Variants in TFB1M observed in about 807,000 individuals in gnomAD.
The protein encoded by TFB1M is dimethyladenosine transferase 1, mitochondrial.
In TFB1M, 27 loss-of-function variants were observed where a neutral mutation model predicts 31.1. That is an observed-to-expected ratio of 0.87 (90% CI 0.64 to 1.20). The LOEUF (loss-of-function observed/expected upper bound fraction) is 1.20, where lower values mean the gene tolerates loss of function less well. Among genes scored for constraint, TFB1M ranks in the 50% most tolerant of loss-of-function variants. TFB1M has a pLI of 0.00. For synonymous variants in TFB1M, 166 were observed against 151.8 expected, an observed-to-expected ratio of 1.09 and a Z score of -0.69; for missense variants, 394 against 418.7, an observed-to-expected ratio of 0.94 and a Z score of 0.51.
At chr6:155,260,898 T>C in intron 5 of TFB1M, 1 of 223,718 alleles carries the variant, frequency 4.5e-6, no homozygotes, top group East Asian at 1.1e-4. Context: ...ACTGAATTCA[T>C]GAGTGTAGTC....
chr6:155,306,878 T>C (rs1206321027), intron 2 of TFB1M, among the ~76,000 whole-genome samples: 1 of 152,086 alleles, frequency 6.6e-6, no homozygotes, highest in African/African-American at 2.4e-5. Context: ...CCCAGCATCT[T>C]GGGAGACTGA....
chr6:155,256,317 A>G lies in TFB1M; in HGVS notation c.*1519T>C, dbSNP rs1325238145. 7 of 991,500 alleles carry G rather than the reference A, an allele frequency of 7.1e-6. No individual in the cohort carries two copies. The highest frequency in any genetic ancestry group is 1.0e-5 in the Non-Finnish European group (7 of 685,446). 61.4% of individuals were successfully genotyped at this position (991,500 alleles called of 1,614,324 possible). A position where few individuals can be genotyped will look rare whatever the true frequency, so the allele number is the denominator to read the frequency against. ...CTGTAAACCTAAGTCAAAAATGTCCATGTTTTCAGTAGCTACATTTTTGCC... is the reference window on the plus strand; with the variant it reads ...CTGTAAACCTAAGTCAAAAATGTCCGTGTTTTCAGTAGCTACATTTTTGCC... On this transcript the variant is annotated 3_prime_UTR_variant, in exon 7 of 7. Transcript: ENST00000367166.
chr6:155,255,811 C>T (rs1783971567), downstream of TFB1M: 1 of 152,380 alleles, frequency 6.6e-6, no homozygotes, highest in African/African-American at 2.4e-5. Context: ...AGTTTGAGAC[C>T]AACCTGGGCA....
At chr6:155,250,867 G>A in the TFB1M span, 2 of 1,575,134 alleles carry the variant, frequency 1.3e-6, no homozygotes, top group Non-Finnish European at 1.7e-6. Context: ...AGATCATCTA[G>A]CCTGGGATTT....
At chr6:155,291,947 A>G (rs187182706) in intron 4 of TFB1M, among the ~76,000 whole-genome samples, 11 of 152,356 alleles carry the variant, frequency 7.2e-5, no homozygotes, top group African/African-American at 1.7e-4. Context: ...ATTGATTTCA[A>G]ACAAATTCTG....
chr6:155,245,363 G>T, the TFB1M span, among the ~76,000 whole-genome samples: 6 of 152,294 alleles, frequency 3.9e-5, no homozygotes, highest in South Asian at 1.2e-3. Context: ...CTGTATTTTT[G>T]TAGAACTTTC....
intron 5 of TFB1M, 167 bp from the exon 6 acceptor site, chr6:155,260,567 T>C: frequency 1.2e-6 from 1 of 836,598 alleles, no homozygotes; most frequent in Non-Finnish European, 1.9e-6. Context: ...AGATGGTACA[T>C]TCTGGATTCG....
chr6:155,275,466 A>G, intron 5 of TFB1M: 2 of 438,030 alleles, frequency 4.6e-6, no homozygotes, highest in Non-Finnish European at 8.2e-6. Context: ...GCCTGGTGGG[A>G]GCTTTTCTCC....
intron 5 of TFB1M, chr6:155,275,577 T>C (rs1368599253): frequency 5.1e-6 from 4 of 789,480 alleles, no homozygotes; most frequent in Non-Finnish European, 8.3e-6. Flanking sequence ...GTTTACTTAC[T>C]TTCTTTCGCT....
intron 5 of TFB1M, among the ~76,000 whole-genome samples, chr6:155,284,441 G>C (rs1776529528): frequency 6.6e-6 from 1 of 152,218 alleles, no homozygotes; most frequent in African/African-American, 2.4e-5. Flanking sequence ...CTCTGTATCG[G>C]ATTAGGCTCA....
chr6:155,310,174 A>T (rs550845194), intron 2 of TFB1M, among the ~76,000 whole-genome samples: 1 of 152,310 alleles, frequency 6.6e-6, no homozygotes, highest in East Asian at 1.9e-4. Flanking sequence ...TTTAAAATCA[A>T]TTTGTCCTTT....
downstream of TFB1M, chr6:155,255,646 T>C (rs567028604): frequency 2.0e-5 from 3 of 151,346 alleles, no homozygotes; most frequent in African/African-American, 7.3e-5. Context: ...ACCTATAACA[T>C]AAAATTTCAG....
chr6:155,297,056 G>A lies in TFB1M; in HGVS notation c.443C>T (p.Thr148Ile), dbSNP rs761365955. The change falls in exon 4 of 7, where the codon ACT (threonine) becomes ATT (isoleucine). Residue 148 changes from threonine (T) to isoleucine (I), a missense_variant. Physicochemically the swap from Thr to Ile is moderately conservative, Grantham distance 89. Coordinates refer to ENST00000367166, the MANE Select transcript of TFB1M (RefSeq NM_016020.4). Reference sequence around the variant, plus strand: ...TTCAAGCCACTTGATAATCAGTGGAGTTGAAACACTAAAAGGCAGATTTCC... The same window carrying A: ...TTCAAGCCACTTGATAATCAGTGGAATTGAAACACTAAAAGGCAGATTTCC... ...IIGNLPFSVS[T>I]PLIIKWLENI... The A allele has an allele frequency of 1.2e-6, 2 of 1,613,888 alleles. No homozygotes were observed. Among genetic ancestry groups the A allele is most frequent in the South Asian group, 1.1e-5 (1 of 91,082 alleles).
intron 4 of TFB1M, among the ~76,000 whole-genome samples, chr6:155,287,551 A>AGT (rs150032717): frequency 1.6e-3 from 238 of 147,586 alleles, no homozygotes; most frequent in South Asian, 4.6e-3. Context: ...ATTTACTCTG[A>AGT]GTGTGTGTGT....
downstream of TFB1M, chr6:155,253,064 C>T (rs2989458): frequency 0.37 from 589,844 of 1,609,318 alleles, 114,068 homozygotes; most frequent in Middle Eastern, 0.49. Context: ...GTAACTGTTT[C>T]GTGCAGTATG....
chr6:155,239,943 G>A, the TFB1M span, among the ~76,000 whole-genome samples: 5 of 152,288 alleles, frequency 3.3e-5, no homozygotes, highest in African/African-American at 9.6e-5. Flanking sequence ...ACTAGCATGT[G>A]CACCAGCTCA....
At chr6:155,251,925 TTCTC>T, downstream of TFB1M, 1 of 1,583,860 alleles carries the variant, frequency 6.3e-7, no homozygotes, top group South Asian at 1.1e-5. Flanking sequence ...AAGACTTTCT[TTCTC>T]TTTTCCTTTC....
chr6:155,237,043 C>G, the TFB1M span, among the ~76,000 whole-genome samples: 1 of 152,168 alleles, frequency 6.6e-6, no homozygotes, highest in African/African-American at 2.4e-5. Context: ...AAATCTCATC[C>G]CAGAGAAGGC....
rs564780979 is a variant in TFB1M, at chr6:155,256,671, C to T, written c.*1165G>A. 11 of 1,614,176 alleles carry T rather than the reference C, an allele frequency of 6.8e-6. No homozygotes were observed. Among genetic ancestry groups the T allele is most frequent in the South Asian group, 5.5e-5 (5 of 91,082 alleles). The stretch of plus-strand genomic sequence containing the variant: ...CTTCTCCCGGGAAATACCCACACCC[C>T]GGCTTGGCAGATTTTGCCGACAATC... On this transcript the variant is annotated 3_prime_UTR_variant, in exon 7 of 7. Transcript: ENST00000367166.
Sources: allele counts gnomAD v4.1 joint callset (sites outside exome capture counted in the v4.1 genomes callset), GRCh38; gene constraint gnomAD v4.1.1; transcripts MANE v1.5; gene names NCBI Gene and HGNC (gene_info 2026-07-23, HGNC 2026-07-21).